Variants in ZFHX3 observed in about 807,000 individuals in gnomAD.
The protein encoded by ZFHX3 is zinc finger homeobox protein 3.
A neutral mutation model predicts 279.1 loss-of-function variants in ZFHX3; 42 were observed. That is an observed-to-expected ratio of 0.15 (90% confidence interval 0.12 to 0.19). The LOEUF is 0.19. ZFHX3 is among the 10% of genes least tolerant of loss of function. The probability of loss-of-function intolerance (pLI) is 1.00; values close to 1 mark genes in which losing one functional copy is unlikely to be tolerated. For missense variants in ZFHX3, 4,981 were observed against 4,754.0 expected (o/e 1.05, Z -1.40); for synonymous variants, 2,293 against 1,957.8 (o/e 1.17, Z -4.52).
intron 1 of ZFHX3, among the ~76,000 whole-genome samples, chr16:73,043,110 G>C (rs1346371610): frequency 2.0e-5 from 3 of 152,126 alleles, no homozygotes; most frequent in African/African-American, 7.2e-5. Flanking sequence ...CCTGACTCCA[G>C]GGAGGGAAAA....
chr16:72,837,581 C>T (rs181785949), intron 4 of ZFHX3, among the ~76,000 whole-genome samples: 18 of 149,430 alleles, frequency 1.2e-4, no homozygotes, highest in African/African-American at 4.0e-4. Context: ...TGGGCTCAAG[C>T]GATCCTCCTG....
intron 2 of ZFHX3, among the ~76,000 whole-genome samples, chr16:73,478,363 A>C (rs903022076): frequency 6.6e-6 from 1 of 151,902 alleles, no homozygotes; most frequent in African/African-American, 2.4e-5. Flanking sequence ...TAAAAGTCTG[A>C]TGCTCTACCA....
rs2012389675 is a variant in ZFHX3, at chr16:73,220,778, TTGTGTGTGTGTC to T, written c.-1104+36257_-1104+36268del. Among the ~76,000 whole-genome samples, 3 of 148,558 alleles carry T rather than the reference TTGTGTGTGTGTC, an allele frequency of 2.0e-5. No homozygotes were observed. The South Asian group carries it at 6.3e-4, about 31-fold the overall frequency. On this transcript the variant is annotated intron_variant, in intron 5 of 17. Coordinates refer to the ZFHX3 transcript ENST00000641206. The stretch of plus-strand genomic sequence containing the variant: ...ATTCTTTGTGTGTGTGTGTGTGTGT[TTGTGTGTGTGTC>T]TGTGTTTAAAGTTTGTCTTCCAATA...
intron 2 of ZFHX3, among the ~76,000 whole-genome samples, chr16:73,572,442 C>T (rs2051751571): frequency 6.6e-6 from 1 of 152,208 alleles, no homozygotes; most frequent in Non-Finnish European, 1.5e-5. Context: ...CTCCTGGCTT[C>T]AGAGCGAAAA....
intron 3 of ZFHX3, among the ~76,000 whole-genome samples, chr16:73,383,552 T>A (rs1325043943): frequency 2.6e-5 from 4 of 152,116 alleles, no homozygotes; most frequent in African/African-American, 4.8e-5. Flanking sequence ...GGGAAGAGAA[T>A]AGCATCACCG....
intron 1 of ZFHX3, among the ~76,000 whole-genome samples, chr16:72,963,862 C>T (rs1393048234): frequency 1.3e-5 from 2 of 152,206 alleles, no homozygotes; most frequent in East Asian, 1.9e-4. Flanking sequence ...CATGAACAGT[C>T]GCACTGTGTA....
intron 5 of ZFHX3, among the ~76,000 whole-genome samples, chr16:73,208,830 G>C (rs766422410): frequency 1.2e-4 from 18 of 152,246 alleles, no homozygotes; most frequent in African/African-American, 1.7e-4. Flanking sequence ...TGAATCTAGT[G>C]AGAGTGTGCA....
chr16:73,317,922 A>C (rs1721228382), intron 4 of ZFHX3, among the ~76,000 whole-genome samples: 1 of 152,228 alleles, frequency 6.6e-6, no homozygotes, highest in African/African-American at 2.4e-5. Context: ...TCTTGCCAAT[A>C]GCCAGAGTGA....
chr16:73,356,438 G>A (rs922720098), intron 3 of ZFHX3, among the ~76,000 whole-genome samples: 1 of 151,918 alleles, frequency 6.6e-6, no homozygotes, highest in Non-Finnish European at 1.5e-5. Flanking sequence ...TGGCAAAGTC[G>A]GTGCTCTGTA....
At chr16:73,774,023 A>C (rs1248853983) in intron 1 of ZFHX3, among the ~76,000 whole-genome samples, 1 of 152,128 alleles carries the variant, frequency 6.6e-6, no homozygotes, top group Admixed American at 6.5e-5. Flanking sequence ...TTGTAGTCCC[A>C]GCTACTCGGG....
intron 1 of ZFHX3, among the ~76,000 whole-genome samples, chr16:73,021,391 A>C (rs1310063245): frequency 6.6e-6 from 1 of 152,220 alleles, no homozygotes; most frequent in Non-Finnish European, 1.5e-5. Context: ...ATCTATCCAG[A>C]GGATAAGCAC....
chr16:73,373,319 T>G (rs920933434), intron 3 of ZFHX3, among the ~76,000 whole-genome samples: 1 of 152,174 alleles, frequency 6.6e-6, no homozygotes, highest in African/African-American at 2.4e-5. Flanking sequence ...TTGGGTGAGA[T>G]GGATCAAATA....
chr16:72,795,515 C>T lies in ZFHX3; in HGVS notation c.7167G>A (p.Gln2389=). ...SSSCSTPMPS[Q]AYSAPAPSAN... is the part of the protein sequence containing the mutation. The stretch of plus-strand genomic sequence containing the variant: ...CTGATGGTGCTGGGGCGCTGTAAGC[C>T]TGTGAGGGCATCGGGGTACTGCAGG... The change falls in exon 9 of 10, where the codon CAG becomes CAA. Residue 2389 remains glutamine (Q), a synonymous_variant. Coordinates refer to ENST00000268489, the MANE Select transcript of ZFHX3 (RefSeq NM_006885.4). 6.2e-7 allele frequency: 1 copy of T among 1,614,108 alleles called. No individual in the cohort carries two copies. The highest frequency in any genetic ancestry group is 8.5e-7 in the Non-Finnish European group (1 of 1,180,028).
At chr16:73,862,213 G>A (rs1961898961) in intron 1 of ZFHX3, among the ~76,000 whole-genome samples, 1 of 152,262 alleles carries the variant, frequency 6.6e-6, no homozygotes, top group South Asian at 2.1e-4. Context: ...GGTCTACTCT[G>A]GGGTATGTTT....
chr16:73,265,354 A>C (rs889551720), intron 4 of ZFHX3, among the ~76,000 whole-genome samples: 47 of 152,274 alleles, frequency 3.1e-4, no homozygotes, highest in African/African-American at 1.0e-3. Flanking sequence ...GGGAGGAGCC[A>C]GCTGGAGTCA....
intron 2 of ZFHX3, among the ~76,000 whole-genome samples, chr16:72,951,916 G>A (rs1961018625): frequency 6.6e-6 from 1 of 152,224 alleles, no homozygotes; most frequent in African/African-American, 2.4e-5. Flanking sequence ...ACATGGTGGT[G>A]AGTGGCGCCT....
At chr16:73,160,497 T>C (rs1346634030) in intron 5 of ZFHX3, among the ~76,000 whole-genome samples, 6 of 152,126 alleles carry the variant, frequency 3.9e-5, no homozygotes. Context: ...GCTTAGCAGG[T>C]GTAGTTTTCT....
intron 2 of ZFHX3, among the ~76,000 whole-genome samples, chr16:73,486,428 T>C (rs1049034088): frequency 1.2e-4 from 18 of 144,112 alleles, no homozygotes; most frequent in Non-Finnish European, 2.7e-4. Flanking sequence ...CTTCATTCTT[T>C]CCTTGCTTTG....
intron 3 of ZFHX3, among the ~76,000 whole-genome samples, chr16:73,334,392 C>A (rs1374023070): frequency 1.3e-5 from 2 of 152,162 alleles, no homozygotes; most frequent in African/African-American, 4.8e-5. Flanking sequence ...GCTGAAAACT[C>A]ATTAACTGCC....
Sources: allele counts gnomAD v4.1 joint callset (sites outside exome capture counted in the v4.1 genomes callset), GRCh38; gene constraint gnomAD v4.1.1; transcripts MANE v1.5; gene names NCBI Gene and HGNC (gene_info 2026-07-23, HGNC 2026-07-21).